EPHB2: variants seen among roughly 807,000 people sequenced by gnomAD.
EPHB2 encodes the protein EPH receptor B2.
In EPHB2, 18 loss-of-function variants were observed where a neutral mutation model predicts 96.4. The observed-to-expected ratio is 0.19, with a 90% CI of 0.13 to 0.28. EPHB2 has a LOEUF of 0.28. Ranked by LOEUF, EPHB2 falls within the 10% of genes least tolerant of loss-of-function variation. The pLI, the probability that EPHB2 is intolerant of heterozygous loss-of-function variation, is 1.00. For missense variants in EPHB2, 989 were observed against 1,355.4 expected (o/e 0.73, Z 4.25); for synonymous variants, 506 against 534.1 (o/e 0.95, Z 0.72).
At chr1:22,843,557 T>C (rs1645499110) in intron 3 of EPHB2, among the ~76,000 whole-genome samples, 1 of 152,198 alleles carries the variant, frequency 6.6e-6, no homozygotes, top group African/African-American at 2.4e-5. Flanking sequence ...TCTTTTTTTC[T>C]GGAGACTTAG....
In EPHB2 at chr1:22,860,426, T is replaced by G. The variant is rs1169838192; in HGVS notation, c.812-2611T>G. Among the ~76,000 whole-genome samples the G allele has an allele frequency of 1.3e-5, 2 of 151,912 alleles. No homozygotes were observed. Among genetic ancestry groups the G allele is most frequent in the African/African-American group, 4.8e-5 (2 of 41,360 alleles). ...TGCCATAGATACAGAAATGATACAG[T>G]GCCCGGTGGTGGGGGTCGAACCTGG... On this transcript the variant is annotated intron_variant, in intron 3 of 15. Transcript: ENST00000374630. The surrounding 1 kb of genome is among the most constrained non-coding windows in gnomAD (Gnocchi z 4.6).
chr1:22,817,114 G>A (rs1242004616), intron 3 of EPHB2, among the ~76,000 whole-genome samples: 3 of 152,160 alleles, frequency 2.0e-5, no homozygotes, highest in African/African-American at 4.8e-5. Context: ...CAGCCCCCAA[G>A]GGTGAGAATG....
chr1:22,920,714 T>C lies in EPHB2; in HGVS notation c.*7144T>C, dbSNP rs1172073212. The C allele has an allele frequency of 6.6e-6, 1 of 152,200 alleles. No individual in the cohort carries two copies. Among genetic ancestry groups the C allele is most frequent in the Non-Finnish European group, 1.5e-5 (1 of 68,054 alleles). The allele number at this position is 152,200 out of a possible 1,614,324, so 9.4% of individuals were successfully genotyped here. ...CCCAGCATAGGCCAGGCAGGGACAT[T>C]CACTCACAACCAGCCTTTTTGGACT... On this transcript the variant is annotated 3_prime_UTR_variant, in exon 16 of 16. Coordinates refer to ENST00000374630, the MANE Select transcript of EPHB2 (RefSeq NM_017449.5).
chr1:22,897,517 G>C (rs1639605047), intron 9 of EPHB2, among the ~76,000 whole-genome samples: 1 of 152,142 alleles, frequency 6.6e-6, no homozygotes, highest in Non-Finnish European at 1.5e-5. Context: ...GCCAGGCACA[G>C]TAGCTCACAC....
chr1:22,857,534 G>A (rs936263550), intron 3 of EPHB2, among the ~76,000 whole-genome samples: 1 of 151,950 alleles, frequency 6.6e-6, no homozygotes, highest in African/African-American at 2.4e-5. Context: ...CAGTAGGATG[G>A]TCAATCCTCC....
chr1:22,748,388 T>C (rs1339269383), intron 1 of EPHB2, among the ~76,000 whole-genome samples: 1 of 151,572 alleles, frequency 6.6e-6, no homozygotes, highest in Non-Finnish European at 1.5e-5. Context: ...TTTTTTTTTT[T>C]TTCTTTTTTT....
chr1:22,914,055 A>C lies in EPHB2; in HGVS notation c.*485A>C. On this transcript the variant is annotated 3_prime_UTR_variant, in exon 16 of 16. Transcript: ENST00000374630. ...CTGCTCCTCTAGGCCTCACTCAACA[A>C]CCAAGCGCCTGGAGGACGGGACAGA... 1.4e-6 allele frequency: 1 copy of C among 732,038 alleles called. No individual in the cohort carries two copies. Among genetic ancestry groups the C allele is most frequent in the Non-Finnish European group, 2.1e-6 (1 of 469,182 alleles). The allele number at this position is 732,038 out of a possible 1,614,324, so 45.3% of individuals were successfully genotyped here.
intron 3 of EPHB2, among the ~76,000 whole-genome samples, chr1:22,823,808 T>C (rs538628761): frequency 9.1e-4 from 139 of 152,384 alleles, no homozygotes; most frequent in African/African-American, 3.2e-3. Flanking sequence ...GCACCTAGCA[T>C]AGTGCCTGGC....
intron 3 of EPHB2, among the ~76,000 whole-genome samples, chr1:22,841,980 G>A (rs574209733): frequency 4.1e-4 from 62 of 152,272 alleles, no homozygotes; most frequent in African/African-American, 1.4e-3. Context: ...GCCAGGAGCC[G>A]GGCAAGATCT....
At chr1:22,778,556 G>A (rs896899500) in intron 1 of EPHB2, among the ~76,000 whole-genome samples, 1 of 152,214 alleles carries the variant, frequency 6.6e-6, no homozygotes, top group Non-Finnish European at 1.5e-5. Flanking sequence ...CCAGAGCCAG[G>A]CCTCCAGGCA....
At chr1:22,872,220 C>G (rs1026007737) in intron 5 of EPHB2, among the ~76,000 whole-genome samples, 1 of 152,104 alleles carries the variant, frequency 6.6e-6, no homozygotes, top group African/African-American at 2.4e-5. Context: ...TCCTCAAGGC[C>G]TCTCTTGGGT....
chr1:22,899,170 G>T (rs961268488), intron 9 of EPHB2, among the ~76,000 whole-genome samples: 5 of 148,016 alleles, frequency 3.4e-5, no homozygotes, highest in African/African-American at 1.3e-4. Context: ...TCCAGCCTGG[G>T]CAGCAAGTAC....
chr1:22,748,474 C>G (rs1335653778), intron 1 of EPHB2, among the ~76,000 whole-genome samples: 8 of 151,750 alleles, frequency 5.3e-5, no homozygotes, highest in Non-Finnish European at 1.2e-4. Context: ...CTCCACCTCC[C>G]AGGTTCACAC....
At position 22,863,037 on chromosome 1, in the gene EPHB2, G is replaced by A; in HGVS notation, c.812G>A (p.Gly271Asp). Residue 271 changes from glycine to aspartate, a missense_variant and splice_region_variant, in exon 4 of 16, where the codon GGT becomes GAT. Physicochemically the swap from Gly to Asp is moderately conservative, Grantham distance 94 (BLOSUM62 -1). Transcript: ENST00000374630. Reference sequence around the variant, plus strand: ...TGACTCTCCTTGTCTTCTCTCTCAGGTTGTCCATCTGGGACTTTCAAGGCC... The same window carrying A: ...TGACTCTCCTTGTCTTCTCTCTCAGATTGTCCATCTGGGACTTTCAAGGCC... ...EAVENGTVCR[G>D]CPSGTFKANQ... 6.2e-7 allele frequency: 1 copy of A among 1,614,136 alleles called. No individual in the cohort carries two copies. Among genetic ancestry groups the A allele is most frequent in the Non-Finnish European group, 8.5e-7 (1 of 1,180,020 alleles).
intron 3 of EPHB2, among the ~76,000 whole-genome samples, chr1:22,796,652 T>G (rs1378193087): frequency 6.6e-6 from 1 of 152,232 alleles, no homozygotes; most frequent in African/African-American, 2.4e-5. Context: ...ATGAAATGAC[T>G]TGTCTGGGGA....
intron 1 of EPHB2, among the ~76,000 whole-genome samples, chr1:22,772,145 G>A (rs912328526): frequency 7.3e-5 from 11 of 150,096 alleles, no homozygotes; most frequent in African/African-American, 2.5e-4. Context: ...CCCAAGTAGC[G>A]AATCCAAACT....
chr1:22,763,480 G>A (rs1219063679), intron 1 of EPHB2, among the ~76,000 whole-genome samples: 1 of 152,080 alleles, frequency 6.6e-6, no homozygotes, highest in Non-Finnish European at 1.5e-5. Flanking sequence ...GGCACACGGT[G>A]GAGGTGGGGT....
At chr1:22,718,758 G>A (rs1287331914) in intron 1 of EPHB2, among the ~76,000 whole-genome samples, 1 of 152,100 alleles carries the variant, frequency 6.6e-6, no homozygotes, top group South Asian at 2.1e-4. Context: ...TGCCCCAAGA[G>A]CCCCACAGGT....
At chr1:22,766,166 A>T (rs1644305438) in intron 1 of EPHB2, among the ~76,000 whole-genome samples, 1 of 152,206 alleles carries the variant, frequency 6.6e-6, no homozygotes, top group African/African-American at 2.4e-5. Context: ...GCCGGGAGGA[A>T]GCCTCAAATG....
Sources: gnomAD v4.1 joint callset for allele counts (sites outside exome capture counted in the v4.1 genomes callset) on GRCh38, gnomAD v4.1.1 for gene constraint, Gnocchi (gnomAD v3.1) non-coding constraint, MANE v1.5 for transcripts, NCBI Gene and HGNC (gene_info 2026-07-23, HGNC 2026-07-21) for gene names.